SVIL: variants seen among roughly 807,000 people sequenced by gnomAD.
The protein encoded by SVIL is supervillin.
A neutral mutation model predicts 240.4 loss-of-function variants in SVIL; 101 were observed. The observed-to-expected ratio is 0.42, with a 90% CI of 0.36 to 0.50. SVIL has a LOEUF of 0.50. SVIL is among the 20% of genes least tolerant of loss of function. The pLI is 0.01. For missense variants in SVIL, 2,512 were observed against 2,818.7 expected, an observed-to-expected ratio of 0.89 and a Z score of 2.46; for synonymous variants, 999 against 1,100.0, an observed-to-expected ratio of 0.91 and a Z score of 1.82.
intron 2 of SVIL, among the ~76,000 whole-genome samples, chr10:29,675,130 G>T (rs1026753265): frequency 6.6e-6 from 1 of 152,156 alleles, no homozygotes; most frequent in Non-Finnish European, 1.5e-5. Context: ...CCCACATATT[G>T]CTAGAGCAAT....
At chr10:29,652,434 A>G (rs372243918) in intron 3 of SVIL, among the ~76,000 whole-genome samples, 1 of 152,120 alleles carries the variant, frequency 6.6e-6, no homozygotes, top group East Asian at 1.9e-4. Context: ...ACCACATTTT[A>G]TTTGTCTCTT....
intron 17 of SVIL, among the ~76,000 whole-genome samples, chr10:29,506,506 C>T (rs142235284): frequency 0.11 from 15,955 of 150,422 alleles, 857 homozygotes; most frequent in African/African-American, 0.14. Flanking sequence ...AACCCTGAGC[C>T]ACTCATTCAA....
intron 3 of SVIL, among the ~76,000 whole-genome samples, chr10:29,640,906 A>G (rs533058515): frequency 1.1e-4 from 17 of 152,306 alleles, no homozygotes; most frequent in African/African-American, 3.4e-4. Context: ...CTCACTCCCA[A>G]TAAAAACCCT....
intron 6 of SVIL, among the ~76,000 whole-genome samples, chr10:29,538,558 C>T (rs189468309): frequency 3.9e-5 from 6 of 152,296 alleles, no homozygotes; most frequent in African/African-American, 1.2e-4. Context: ...GTGTGTGGTG[C>T]GATGCTCCCC....
intron 17 of SVIL, among the ~76,000 whole-genome samples, chr10:29,512,203 C>T (rs1564546409): frequency 6.6e-6 from 1 of 152,180 alleles, no homozygotes; most frequent in East Asian, 1.9e-4. Flanking sequence ...CATGCATTAC[C>T]TAATTTTGTT....
At chr10:29,473,623 A>C (rs1017676156) in intron 30 of SVIL, 2 of 614,482 alleles carry the variant, frequency 3.3e-6, no homozygotes, top group Non-Finnish European at 5.6e-6. Flanking sequence ...CAGATACAAC[A>C]TTTTCTCCAG....
At chr10:29,665,322 G>A (rs1352806660) in intron 2 of SVIL, among the ~76,000 whole-genome samples, 1 of 149,462 alleles carries the variant, frequency 6.7e-6, no homozygotes, top group Non-Finnish European at 1.5e-5. Flanking sequence ...AAGATATGTT[G>A]ATCCCTCTCT....
At chr10:29,468,561 C>T (rs934540862) in intron 32 of SVIL, among the ~76,000 whole-genome samples, 4 of 151,246 alleles carry the variant, frequency 2.6e-5, no homozygotes, top group African/African-American at 4.9e-5. Flanking sequence ...ACATCCTTGC[C>T]AATACTTGTT....
At chr10:29,627,346 A>T (rs1423986747) in intron 1 of SVIL, among the ~76,000 whole-genome samples, 1 of 152,176 alleles carries the variant, frequency 6.6e-6, no homozygotes, top group East Asian at 1.9e-4. Flanking sequence ...CCTCTAGTCC[A>T]ACCCTTGTTT....
chr10:29,462,454 C>T, intron 35 of SVIL, 53 bp from the exon 36 acceptor site: 4 of 1,575,600 alleles, frequency 2.5e-6, no homozygotes, highest in South Asian at 1.2e-5. Context: ...CCCTGTCTTT[C>T]TCTGATTTCC....
In SVIL at chr10:29,533,144, G is replaced by A. The variant is rs148434778; in HGVS notation, c.1223C>T (p.Thr408Met). The A allele has an allele frequency of 6.5e-5, 105 of 1,614,090 alleles. No individual in the cohort carries two copies. Among genetic ancestry groups the A allele is most frequent in the South Asian group, 4.7e-4 (43 of 91,076 alleles). The change falls in exon 8 of 38, where the codon ACG becomes ATG. Residue 408 changes from threonine (T) to methionine (M), a missense_variant. Transcript: ENST00000355867. Reference sequence around the variant, plus strand: ...ATCCCTTCCGTCACCTTCTAGAACCGTCAAGCTGGGAGGTTTGGGGACATT... The same window carrying A: ...ATCCCTTCCGTCACCTTCTAGAACCATCAAGCTGGGAGGTTTGGGGACATT... Reference protein sequence around the residue: ...TQNVPKPPSLTVLEGDGRDSP... With the variant: ...TQNVPKPPSLMVLEGDGRDSP...
At chr10:29,719,295 C>T (rs1283458364) in intron 1 of SVIL, among the ~76,000 whole-genome samples, 1 of 152,162 alleles carries the variant, frequency 6.6e-6, no homozygotes. Flanking sequence ...AATTATGGAA[C>T]ACTCGGTATA....
intron 32 of SVIL, among the ~76,000 whole-genome samples, chr10:29,469,417 C>A (rs16930246): frequency 0.081 from 12,324 of 152,276 alleles, 518 homozygotes; most frequent in Admixed American, 0.12. Flanking sequence ...TTCACCAAAT[C>A]AAACTCTGGG....
rs1953254298 is a variant in SVIL, at chr10:29,550,854, A to C, written c.570T>G (p.Gly190=). 1 of 1,613,872 alleles carries C rather than the reference A, an allele frequency of 6.2e-7. No individual in the cohort carries two copies. Among genetic ancestry groups the C allele is most frequent in the Non-Finnish European group, 8.5e-7 (1 of 1,180,004 alleles). ...GESKDYALHV[G]DGSSDPEVLL... Reference sequence around the variant, plus strand: ...GCACCTCCGGGTCGGAAGAGCCGTCACCCACATGGAGGGCATAGTCCTTGG... The same window carrying C: ...GCACCTCCGGGTCGGAAGAGCCGTCCCCCACATGGAGGGCATAGTCCTTGG... The change falls in exon 6 of 38, where the codon GGT becomes GGG. Residue 190 remains glycine, a synonymous_variant. Transcript: ENST00000355867.
rs1274184210 is a variant in SVIL, at chr10:29,488,717, C to A, written c.4232G>T (p.Gly1411Val). ...GCTGAAGTTTTCTTTACTGGCTAAACCCGCCAGGGTGACTTCTGAGAAGTT... is the reference window on the plus strand; with the variant it reads ...GCTGAAGTTTTCTTTACTGGCTAAAACCGCCAGGGTGACTTCTGAGAAGTT... ...NSNFSEVTLA[G>V]LASKENFSNV... Residue 1411 changes from glycine to valine, a missense_variant, in exon 23 of 38, where the codon GGT (glycine) becomes GTT (valine). Transcript: ENST00000355867. 3.7e-6 allele frequency: 6 copies of A among 1,612,764 alleles called. No homozygotes were observed. Among genetic ancestry groups the A allele is most frequent in the Non-Finnish European group, 5.1e-6 (6 of 1,179,608 alleles).
intron 1 of SVIL, among the ~76,000 whole-genome samples, chr10:29,602,879 G>C (rs1383034021): frequency 6.6e-6 from 1 of 152,146 alleles, no homozygotes; most frequent in Non-Finnish European, 1.5e-5. Flanking sequence ...CCAGCTACTT[G>C]GGAGGCTGAG....
intron 1 of SVIL, among the ~76,000 whole-genome samples, chr10:29,626,323 C>G (rs539729830): frequency 1.3e-5 from 2 of 152,116 alleles, no homozygotes; most frequent in African/African-American, 4.8e-5. Context: ...TCAAGAGAAT[C>G]GCTCAGGGTA....
chr10:29,552,224 G>C (rs1169615151), intron 5 of SVIL, among the ~76,000 whole-genome samples: 1 of 75,006 alleles, frequency 1.3e-5, no homozygotes, highest in Non-Finnish European at 2.7e-5. Flanking sequence ...AAAATAGTTA[G>C]TTATTAATGT....
At chr10:29,516,792 C>T (rs1950231657) in intron 16 of SVIL, among the ~76,000 whole-genome samples, 1 of 152,212 alleles carries the variant, frequency 6.6e-6, no homozygotes, top group African/African-American at 2.4e-5. Context: ...ACGGTGCCTC[C>T]TCTTCCATAG....
Sources: allele counts gnomAD v4.1 joint callset (sites outside exome capture counted in the v4.1 genomes callset), GRCh38; gene constraint gnomAD v4.1.1; transcripts MANE v1.5; gene names NCBI Gene and HGNC (gene_info 2026-07-23, HGNC 2026-07-21).